Variants in NKAIN2 observed in about 807,000 individuals in gnomAD.
NKAIN2 encodes sodium/potassium transporting ATPase interacting 2.
In NKAIN2, 14 loss-of-function variants were observed where a neutral mutation model predicts 32.6. The ratio of observed to expected loss-of-function variants is 0.43; its 90% CI spans 0.28 to 0.67. The LOEUF is 0.67. Ranked by LOEUF, NKAIN2 falls within the 30% of genes least tolerant of loss-of-function variation. NKAIN2 has a pLI of 0.17. For missense variants in NKAIN2, 198 were observed against 258.3 expected, an observed-to-expected ratio of 0.77 and a Z score of 1.60; for synonymous variants, 80 against 87.2, an observed-to-expected ratio of 0.92 and a Z score of 0.46.
intron 1 of NKAIN2, among the ~76,000 whole-genome samples, chr6:123,932,434 T>TTTTTTTTTTTTTTTTTTTTTTTC (rs1481221049): frequency 1.1e-5 from 1 of 91,790 alleles, no homozygotes; most frequent in Non-Finnish European, 2.2e-5. Flanking sequence ...TTTTTTTTTT[T>TTTTTTTTTTTTTTTTTTTTTTTC]GAGAAAGAGT....
intron 4 of NKAIN2, among the ~76,000 whole-genome samples, chr6:124,753,966 C>T (rs1162168153): frequency 6.6e-6 from 1 of 152,094 alleles, no homozygotes; most frequent in East Asian, 1.9e-4. Context: ...AAGACAATCT[C>T]ATACAAGTCC....
At chr6:123,827,458 A>G (rs954999840) in intron 1 of NKAIN2, among the ~76,000 whole-genome samples, 1 of 152,178 alleles carries the variant, frequency 6.6e-6, no homozygotes, top group Non-Finnish European at 1.5e-5. Flanking sequence ...TGAAAACAAT[A>G]AAGTTCAAAT....
chr6:124,040,051 TTACAA>T lies in NKAIN2; in HGVS notation c.54+235798_54+235802del, dbSNP rs545720793. 1.3e-3 allele frequency among the ~76,000 whole-genome samples: 203 copies of T among 152,138 alleles called. 1 individual carries two copies. The highest frequency in any genetic ancestry group is 0.01 in the Middle Eastern group (3 of 294). ...TTCAGTAATCAATGGCTGTTATTTA[TTACAA>T]GTGGTTTGTTTCTTTTTCTTATCCA... On this transcript the variant is annotated intron_variant, in intron 1 of 6. Coordinates refer to ENST00000368417, the MANE Select transcript of NKAIN2 (RefSeq NM_001040214.3).
chr6:124,322,554 T>G (rs1797241999), intron 2 of NKAIN2, among the ~76,000 whole-genome samples: 1 of 152,196 alleles, frequency 6.6e-6, no homozygotes. Flanking sequence ...CCTACCATCC[T>G]TTAAACTCTA....
At chr6:124,459,914 C>T (rs142812890) in intron 3 of NKAIN2, among the ~76,000 whole-genome samples, 350 of 151,780 alleles carry the variant, frequency 2.3e-3, no homozygotes, top group African/African-American at 7.9e-3. Flanking sequence ...ATTTATTTTA[C>T]GTAGATGTAT....
chr6:124,478,125 C>T (rs1777303810), intron 3 of NKAIN2, among the ~76,000 whole-genome samples: 1 of 152,006 alleles, frequency 6.6e-6, no homozygotes, highest in Admixed American at 6.6e-5. Context: ...AATGGTTGCC[C>T]TTCTCTTCAA....
chr6:124,023,180 T>C (rs1437749194), intron 1 of NKAIN2, among the ~76,000 whole-genome samples: 1 of 150,776 alleles, frequency 6.6e-6, no homozygotes, highest in Non-Finnish European at 1.5e-5. Flanking sequence ...AAGGAAAGGA[T>C]TGATACAGAA....
intron 3 of NKAIN2, among the ~76,000 whole-genome samples, chr6:124,517,001 A>G (rs1003455215): frequency 3.3e-5 from 5 of 152,216 alleles, no homozygotes; most frequent in Non-Finnish European, 7.3e-5. Context: ...TTGAGGGCAT[A>G]TAGGATACTA....
At chr6:124,603,473 C>T (rs1200355669) in intron 3 of NKAIN2, among the ~76,000 whole-genome samples, 1 of 151,886 alleles carries the variant, frequency 6.6e-6, no homozygotes, top group Non-Finnish European at 1.5e-5. Flanking sequence ...ACTTGCTTCA[C>T]CTATCAGGAG....
At chr6:124,814,774 C>G (rs1235175975) in intron 5 of NKAIN2, among the ~76,000 whole-genome samples, 1 of 152,120 alleles carries the variant, frequency 6.6e-6, no homozygotes, top group Admixed American at 6.6e-5. Context: ...ATCCATTGGA[C>G]TTGAAGATTC....
chr6:124,328,485 A>G (rs1797509177), intron 2 of NKAIN2, among the ~76,000 whole-genome samples: 1 of 152,120 alleles, frequency 6.6e-6, no homozygotes. Flanking sequence ...ATCTGTAGTG[A>G]TTTCCACACA....
At chr6:124,125,052 C>T (rs1786090748) in intron 1 of NKAIN2, among the ~76,000 whole-genome samples, 1 of 152,274 alleles carries the variant, frequency 6.6e-6, no homozygotes, top group South Asian at 2.1e-4. Flanking sequence ...ATTTGAACAT[C>T]ACCTATAGAT....
intron 2 of NKAIN2, among the ~76,000 whole-genome samples, chr6:124,350,752 T>C (rs2115126709): frequency 6.6e-6 from 1 of 152,348 alleles, no homozygotes; most frequent in Middle Eastern, 3.4e-3. Context: ...TATGTACATA[T>C]CCTTCTGAAT....
intron 5 of NKAIN2, among the ~76,000 whole-genome samples, chr6:124,803,786 T>C (rs953673482): frequency 6.6e-6 from 1 of 152,194 alleles, no homozygotes; most frequent in Non-Finnish European, 1.5e-5. Context: ...TCTACTCTCC[T>C]AGCCTTGGAA....
chr6:124,818,853 C>G (rs924186102), intron 6 of NKAIN2, among the ~76,000 whole-genome samples: 5 of 152,082 alleles, frequency 3.3e-5, no homozygotes, highest in African/African-American at 1.2e-4. Flanking sequence ...GTTGTCCTGG[C>G]ATAATTATTA....
chr6:124,601,538 T>A (rs1431650687), intron 3 of NKAIN2, among the ~76,000 whole-genome samples: 2 of 152,012 alleles, frequency 1.3e-5, no homozygotes, highest in Non-Finnish European at 2.9e-5. Flanking sequence ...TTTGTGGAAG[T>A]AAATGAAAGG....
At chr6:124,644,354 A>C (rs1471127769) in intron 3 of NKAIN2, among the ~76,000 whole-genome samples, 1 of 151,886 alleles carries the variant, frequency 6.6e-6, no homozygotes, top group Admixed American at 6.6e-5. Flanking sequence ...TTTTCCTATG[A>C]ATACATCCCG....
At chr6:124,617,205 G>A (rs1288088229) in intron 3 of NKAIN2, among the ~76,000 whole-genome samples, 1 of 152,196 alleles carries the variant, frequency 6.6e-6, no homozygotes, top group Non-Finnish European at 1.5e-5. Context: ...AGTACTTAGT[G>A]CTCAGCAACT....
chr6:124,785,195 T>G (rs1375099126), intron 4 of NKAIN2, among the ~76,000 whole-genome samples: 1 of 152,160 alleles, frequency 6.6e-6, no homozygotes, highest in East Asian at 1.9e-4. Flanking sequence ...GTTCACTGAT[T>G]CTTTCCTCTG....
Sources: allele counts gnomAD v4.1 joint callset (sites outside exome capture counted in the v4.1 genomes callset), GRCh38; gene constraint gnomAD v4.1.1; transcripts MANE v1.5; gene names NCBI Gene and HGNC (gene_info 2026-07-23, HGNC 2026-07-21).